The following XIRP2 variants were observed in gnomAD, a reference collection of about 807,000 sequenced individuals.
The protein encoded by XIRP2 is xin actin-binding repeat-containing protein 2.
XIRP2 carries 236 observed loss-of-function variants against 277.0 expected under a neutral mutation model. That is an observed-to-expected ratio of 0.85 (90% confidence interval 0.77 to 0.95). XIRP2 has a LOEUF of 0.95. Ranked by LOEUF, XIRP2 falls within the 40% of genes least tolerant of loss-of-function variation. The pLI is 0.00. For synonymous variants in XIRP2, 1,490 were observed against 1,416.5 expected (o/e 1.05, Z -1.17); for missense variants, 4,640 against 4,157.5 (o/e 1.12, Z -3.19).
At chr2:166,948,776 G>A (rs1276799573) in intron 2 of XIRP2, among the ~76,000 whole-genome samples, 1 of 151,946 alleles carries the variant, frequency 6.6e-6, no homozygotes, top group Non-Finnish European at 1.5e-5. Flanking sequence ...GTGGCCACAT[G>A]TCAAATATTC....
At chr2:167,132,194 A>G (rs766510324) in intron 2 of XIRP2, among the ~76,000 whole-genome samples, 1 of 152,038 alleles carries the variant, frequency 6.6e-6, no homozygotes, top group Non-Finnish European at 1.5e-5. Flanking sequence ...TTCCACATGT[A>G]TTGTAACCTT....
At chr2:167,056,261 C>T (rs1689033945) in intron 2 of XIRP2, among the ~76,000 whole-genome samples, 1 of 152,134 alleles carries the variant, frequency 6.6e-6, no homozygotes, top group Admixed American at 6.5e-5. Context: ...CTCATCTCCT[C>T]TGAAAGCCTG....
At chr2:167,088,792 C>T (rs990536150) in intron 2 of XIRP2, among the ~76,000 whole-genome samples, 1 of 152,174 alleles carries the variant, frequency 6.6e-6, no homozygotes, top group Non-Finnish European at 1.5e-5. Flanking sequence ...TCCCAGATAA[C>T]TCTTATTCAT....
chr2:167,066,920 G>C (rs1330014853), intron 2 of XIRP2, among the ~76,000 whole-genome samples: 1 of 152,012 alleles, frequency 6.6e-6, no homozygotes, highest in East Asian at 1.9e-4. Flanking sequence ...GATAATTCTT[G>C]TATTTGCCCT....
rs371604614 is a variant in XIRP2, at chr2:167,105,928, T to C, written c.409-29981T>C. ...TAATGACGTTGAACATCTTTTCATG[T>C]AGTCATTACCATCTGTATATTCTCT... On this transcript the variant is annotated intron_variant, in intron 2 of 10. Coordinates refer to ENST00000409195, the MANE Select transcript of XIRP2 (RefSeq NM_152381.6). 3.3e-5 allele frequency among the ~76,000 whole-genome samples: 5 copies of C among 151,852 alleles called. No individual in the cohort carries two copies. The South Asian group carries it at 1.0e-3, about 31-fold the overall frequency.
At chr2:167,179,452 C>T (rs1692946990) in intron 3 of XIRP2, among the ~76,000 whole-genome samples, 1 of 151,250 alleles carries the variant, frequency 6.6e-6, no homozygotes, top group South Asian at 2.1e-4. Context: ...TCCTGAGTAG[C>T]TGGGATTACA....
intron 2 of XIRP2, among the ~76,000 whole-genome samples, chr2:166,984,805 G>C (rs981958059): frequency 5.9e-5 from 9 of 152,224 alleles, no homozygotes; most frequent in Non-Finnish European, 2.9e-5. Context: ...GTCACTTAAA[G>C]TGGAGTTCTG....
chr2:167,011,401 C>G (rs1687675998), intron 2 of XIRP2, among the ~76,000 whole-genome samples: 2 of 150,778 alleles, frequency 1.3e-5, no homozygotes, highest in African/African-American at 4.9e-5. Flanking sequence ...TTGAACCAGC[C>G]TTGCATCCCA....
intron 1 of XIRP2, among the ~76,000 whole-genome samples, chr2:166,892,808 G>GATATATAT (rs113558500): frequency 9.9e-4 from 142 of 143,238 alleles, no homozygotes; most frequent in African/African-American, 3.6e-3. Flanking sequence ...TTTCATAGAA[G>GATATATAT]ATATATATAT....
chr2:166,912,239 G>A (rs1684729634), intron 2 of XIRP2, among the ~76,000 whole-genome samples: 1 of 152,152 alleles, frequency 6.6e-6, no homozygotes, highest in South Asian at 2.1e-4. Context: ...TCACTTTCAG[G>A]TACACCAATC....
chr2:166,936,548 C>T (rs1685508800), intron 2 of XIRP2, among the ~76,000 whole-genome samples: 1 of 152,142 alleles, frequency 6.6e-6, no homozygotes, highest in Non-Finnish European at 1.5e-5. Flanking sequence ...AGCTTTAGGT[C>T]TAACATTTAA....
intron 4 of XIRP2, among the ~76,000 whole-genome samples, chr2:167,217,561 T>A (rs2105399568): frequency 6.6e-6 from 1 of 152,238 alleles, no homozygotes; most frequent in East Asian, 1.9e-4. Flanking sequence ...AGTCTCAATT[T>A]CCTTATTTTA....
In XIRP2 at chr2:167,243,362, T is replaced by C. The variant is rs748408928; in HGVS notation, c.1970T>C (p.Met657Thr). The C allele has an allele frequency of 6.8e-6, 11 of 1,614,134 alleles. No homozygotes were observed. The highest frequency in any genetic ancestry group is 8.5e-6 in the Non-Finnish European group (10 of 1,179,984). ...ARGDVCTARW[M>T]FETRPLDSMN... is the part of the protein sequence containing the mutation. ...GGAGATGTCTGCACAGCTCGGTGGATGTTTGAAACAAGGCCATTGGACTCA... is the reference window on the plus strand; with the variant it reads ...GGAGATGTCTGCACAGCTCGGTGGACGTTTGAAACAAGGCCATTGGACTCA... The change falls in exon 9 of 11, where the codon ATG becomes ACG. Residue 657 changes from methionine (M) to threonine (T), a missense_variant. Met to Thr is a moderately conservative substitution (Grantham distance 81). Transcript: ENST00000409195.
chr2:167,076,547 T>C (rs1416299348), intron 2 of XIRP2, among the ~76,000 whole-genome samples: 1 of 152,190 alleles, frequency 6.6e-6, no homozygotes, highest in East Asian at 1.9e-4. Context: ...GGGAAGAGAT[T>C]TTATTAAAGA....
At chr2:167,104,881 A>G (rs924166522) in intron 2 of XIRP2, among the ~76,000 whole-genome samples, 1 of 152,014 alleles carries the variant, frequency 6.6e-6, no homozygotes, top group Non-Finnish European at 1.5e-5. Context: ...AACTATCCTC[A>G]TTCTGCGCAT....
intron 1 of XIRP2, among the ~76,000 whole-genome samples, chr2:166,900,148 T>C (rs2105333382): frequency 6.6e-6 from 1 of 152,162 alleles, no homozygotes; most frequent in Non-Finnish European, 1.5e-5. Flanking sequence ...GTCCAACTTG[T>C]CTCTTAGTTT....
intron 2 of XIRP2, among the ~76,000 whole-genome samples, chr2:167,117,009 A>G (rs1690913962): frequency 6.6e-6 from 1 of 152,238 alleles, no homozygotes; most frequent in African/African-American, 2.4e-5. Flanking sequence ...AAATAATAAT[A>G]GTTCTATCTG....
At chr2:167,022,074 A>G (rs149776123) in intron 2 of XIRP2, among the ~76,000 whole-genome samples, 173 of 152,254 alleles carry the variant, frequency 1.1e-3, no homozygotes, top group African/African-American at 4.0e-3. Context: ...GTAGTTTGGA[A>G]TGCTTGAAGA....
chr2:167,061,154 T>C (rs1689163115), intron 2 of XIRP2, among the ~76,000 whole-genome samples: 1 of 151,692 alleles, frequency 6.6e-6, no homozygotes, highest in Non-Finnish European at 1.5e-5. Flanking sequence ...TCCAATTGTT[T>C]GTTACAAGGA....
Sources: gnomAD v4.1 joint callset for allele counts (sites outside exome capture counted in the v4.1 genomes callset) on GRCh38, gnomAD v4.1.1 for gene constraint, MANE v1.5 for transcripts, NCBI Gene and HGNC (gene_info 2026-07-23, HGNC 2026-07-21) for gene names.